SHTN1: variants seen among roughly 807,000 people sequenced by gnomAD.
The protein encoded by SHTN1 is shootin 1, also known as shootin-1.
Under a neutral mutation model 83.1 loss-of-function variants are expected in SHTN1, and 42 were observed. The ratio of observed to expected loss-of-function variants is 0.51; its 90% CI spans 0.39 to 0.65. SHTN1 has a LOEUF of 0.65. Among genes scored for constraint, SHTN1 ranks in the 30% least tolerant of loss-of-function variants. The pLI is 0.00. For synonymous variants in SHTN1, 224 were observed against 247.7 expected (o/e 0.90, Z 0.90); for missense variants, 622 against 737.8 (o/e 0.84, Z 1.82).
At chr10:117,037,905 G>GC (rs34555397) in intron 2 of SHTN1, among the ~76,000 whole-genome samples, 151,043 of 151,044 alleles carry the variant, frequency 1, 75,521 homozygotes, top group Non-Finnish European at 1. Context: ...ACTTGGGGAG[G>GC]TGAGGCAGGA....
chr10:116,933,146 T>A (rs1436156486), intron 9 of SHTN1, among the ~76,000 whole-genome samples: 3 of 152,008 alleles, frequency 2.0e-5, no homozygotes, highest in Non-Finnish European at 4.4e-5. Flanking sequence ...TATATCAACA[T>A]TTCCTTTTAA....
chr10:116,881,569 C>A lies in SHTN1; in HGVS notation c.*4775G>T, dbSNP rs905832855. On this transcript the variant is annotated 3_prime_UTR_variant, in exon 17 of 17. Coordinates refer to ENST00000355371, the MANE Select transcript of SHTN1 (RefSeq NM_001127211.3). Reference sequence around the variant, plus strand: ...TTTAATGAGGAAGCTGAAAAGGCTGCGGAGGCACTTGAGGCTGCTGCGGCT... The same window carrying A: ...TTTAATGAGGAAGCTGAAAAGGCTGAGGAGGCACTTGAGGCTGCTGCGGCT... 1 of 1,549,912 alleles carries A rather than the reference C, an allele frequency of 6.5e-7. No individual in the cohort carries two copies. The highest frequency in any genetic ancestry group is 8.7e-7 in the Non-Finnish European group (1 of 1,146,752).
chr10:117,026,860 T>C (rs1852339669), intron 2 of SHTN1, among the ~76,000 whole-genome samples: 1 of 152,112 alleles, frequency 6.6e-6, no homozygotes, highest in South Asian at 2.1e-4. Flanking sequence ...CACCTGCTGA[T>C]TGTAGAGACC....
At chr10:117,040,808 A>G (rs1203906637) in intron 2 of SHTN1, among the ~76,000 whole-genome samples, 1 of 152,032 alleles carries the variant, frequency 6.6e-6, no homozygotes, top group Non-Finnish European at 1.5e-5. Flanking sequence ...TTTTTTTTGG[A>G]TTTTGTCACT....
intron 1 of SHTN1, among the ~76,000 whole-genome samples, chr10:117,121,876 C>T (rs1372217473): frequency 6.7e-6 from 1 of 149,370 alleles, no homozygotes; most frequent in East Asian, 2.1e-4. Context: ...ACTAAAAATA[C>T]AAAAAATTAG....
intron 1 of SHTN1, among the ~76,000 whole-genome samples, chr10:117,060,722 G>GATGAT (rs1401350406): frequency 6.6e-6 from 1 of 152,184 alleles, no homozygotes; most frequent in African/African-American, 2.4e-5. Flanking sequence ...ATTTCAACCA[G>GATGAT]ATGATACTAT....
At chr10:117,040,914 C>A (rs1183773005) in intron 2 of SHTN1, among the ~76,000 whole-genome samples, 2 of 151,456 alleles carry the variant, frequency 1.3e-5, no homozygotes, top group Non-Finnish European at 2.9e-5. Context: ...ATACTCAACT[C>A]TTTTTCTTTT....
At chr10:117,021,514 C>A (rs1364492892) in intron 2 of SHTN1, among the ~76,000 whole-genome samples, 1 of 152,092 alleles carries the variant, frequency 6.6e-6, no homozygotes, top group Non-Finnish European at 1.5e-5. Flanking sequence ...AATTTTCATA[C>A]CATAAAATTC....
At chr10:117,076,154 G>C (rs1853149769) in intron 1 of SHTN1, among the ~76,000 whole-genome samples, 1 of 139,172 alleles carries the variant, frequency 7.2e-6, no homozygotes, top group African/African-American at 2.7e-5. Context: ...CTGCACTCCA[G>C]CCTGCGCGAC....
At chr10:117,101,834 G>T (rs977164613) in intron 1 of SHTN1, among the ~76,000 whole-genome samples, 2 of 152,060 alleles carry the variant, frequency 1.3e-5, no homozygotes, top group Non-Finnish European at 2.9e-5. Context: ...TGGACCACTT[G>T]GCTGAATTAG....
chr10:117,009,166 G>A (rs931182763), upstream of SHTN1, among the ~76,000 whole-genome samples: 2 of 151,852 alleles, frequency 1.3e-5, no homozygotes, highest in African/African-American at 4.8e-5. Context: ...CAAAAGGAAA[G>A]GAGAAAGAAG....
chr10:117,038,168 T>G (rs7919506), intron 2 of SHTN1, among the ~76,000 whole-genome samples: 94,623 of 151,800 alleles, frequency 0.62, 34,831 homozygotes, highest in Middle Eastern at 0.83. Flanking sequence ...TGAGACAGGG[T>G]CATGCTCTGT....
chr10:117,090,398 CA>C (rs1267790625), intron 1 of SHTN1, among the ~76,000 whole-genome samples: 6 of 152,090 alleles, frequency 3.9e-5, no homozygotes, highest in Non-Finnish European at 7.4e-5. Context: ...CGTCAGGGGC[CA>C]GGGGACAGAA....
At chr10:116,942,859 T>A (rs1052457415) in intron 8 of SHTN1, among the ~76,000 whole-genome samples, 1 of 152,190 alleles carries the variant, frequency 6.6e-6, no homozygotes, top group Non-Finnish European at 1.5e-5. Context: ...CAGTAAGATG[T>A]TTGCTGCATG....
chr10:117,064,432 G>A (rs1012721323), intron 1 of SHTN1, among the ~76,000 whole-genome samples: 5 of 152,190 alleles, frequency 3.3e-5, no homozygotes, highest in African/African-American at 1.2e-4. Flanking sequence ...AAGGCAGGCG[G>A]ATCACGAGGT....
intron 11 of SHTN1, among the ~76,000 whole-genome samples, chr10:116,927,307 T>TA (rs1367983406): frequency 6.6e-6 from 1 of 152,168 alleles, no homozygotes; most frequent in Non-Finnish European, 1.5e-5. Flanking sequence ...AAGAAGGGAA[T>TA]AATATATTGG....
intron 16 of SHTN1, chr10:116,900,293 C>T: frequency 3.9e-6 from 2 of 519,038 alleles, no homozygotes; most frequent in Non-Finnish European, 6.9e-6. Flanking sequence ...TGGAATGTGT[C>T]TCTTAAGCAG....
chr10:117,044,826 A>G (rs1317528889), intron 2 of SHTN1, among the ~76,000 whole-genome samples: 2 of 152,186 alleles, frequency 1.3e-5, no homozygotes, highest in Non-Finnish European at 2.9e-5. Context: ...TTGTTGCCTT[A>G]TAACATTTTC....
intron 10 of SHTN1, among the ~76,000 whole-genome samples, chr10:116,928,745 C>T (rs1437688988): frequency 1.3e-5 from 2 of 152,198 alleles, no homozygotes; most frequent in African/African-American, 2.4e-5. Context: ...CTCTCCAAAA[C>T]TGAGAATCCT....
Sources: gnomAD v4.1 joint callset for allele counts (sites outside exome capture counted in the v4.1 genomes callset) on GRCh38, gnomAD v4.1.1 for gene constraint, MANE v1.5 for transcripts, NCBI Gene and HGNC (gene_info 2026-07-23, HGNC 2026-07-21) for gene names.